Variants in NAA80 observed in about 807,000 individuals in gnomAD.
NAA80 encodes N-alpha-acetyltransferase 80, NatH catalytic subunit, also known as N-alpha-acetyltransferase 80.
A neutral mutation model predicts 8.7 loss-of-function variants in NAA80; 5 were observed. That is an observed-to-expected ratio of 0.58 (90% CI 0.30 to 1.21). The LOEUF is 1.21. Among genes scored for constraint, NAA80 ranks in the 50% most tolerant of loss-of-function variants. The probability of loss-of-function intolerance (pLI) is 0.07; values close to 1 mark genes in which losing one functional copy is unlikely to be tolerated. For synonymous variants in NAA80, 149 were observed against 156.6 expected (o/e 0.95, Z 0.36); for missense variants, 360 against 368.6 (o/e 0.98, Z 0.19).
Position 50,296,650 on chromosome 3 carries a change from G to C in NAA80, c.814C>G (p.Gln272Glu), listed in dbSNP as rs370663191. The change falls in exon 2 of 2, where the codon CAA becomes GAA. Residue 272 changes from glutamine (Q) to glutamate (E), a missense_variant. By Grantham distance (29) the Gln-to-Glu change is conservative (BLOSUM62 2). Coordinates refer to ENST00000443094, the MANE Select transcript of NAA80 (RefSeq NM_001200016.2). ...PSKSLLETQY[Q>E]NVRGRPIFWM... ...AATATGGGGCGCCCCCTCACATTTT[G>C]ATATTGTGTCTCCAGCAGGCTTTTT... 1.1e-5 allele frequency: 17 copies of C among 1,613,930 alleles called. No individual in the cohort carries two copies. The African/African-American group carries it at 1.9e-4, about 18-fold the overall frequency.
Position 50,297,565 on chromosome 3 carries a change from G to A in NAA80, c.-102C>T, listed in dbSNP as rs1701905447. The A allele has an allele frequency of 6.7e-7, 1 of 1,498,400 alleles. No homozygotes were observed. Among genetic ancestry groups the A allele is most frequent in the Non-Finnish European group, 8.9e-7 (1 of 1,124,018 alleles). The allele number at this position is 1,498,400 out of a possible 1,614,324, so 92.8% of individuals were successfully genotyped here. On this transcript the variant is annotated 5_prime_UTR_variant, in exon 2 of 2. Transcript: ENST00000443094. This position sits in a 1 kb window ranked among gnomAD's most constrained non-coding sequence, Gnocchi z 4.3. ...TCCAGGTTCAGCTGAGTCAGGCTGG[G>A]AGCCAAGGTCACCTGCTGCTAGGTT...
chr3:50,297,022 T>C lies in NAA80; in HGVS notation c.442A>G (p.Arg148Gly). Residue 148 changes from arginine (R) to glycine (G), a missense_variant, in exon 2 of 2, where the codon AGG (arginine) becomes GGG (glycine). Coordinates refer to ENST00000443094, the MANE Select transcript of NAA80 (RefSeq NM_001200016.2). This position sits in a 1 kb window ranked among gnomAD's most constrained non-coding sequence, Gnocchi z 4.3. ...AGGCGGCGGCCAAAGCCACGGCCCC[T>C]CAGGGCCCGGGCCACCACCACTGTC... Reference protein sequence around the residue: ...VETVVVARALRGRGFGRRLME... With the variant: ...VETVVVARALGGRGFGRRLME... The C allele has an allele frequency of 6.5e-7, 1 of 1,544,346 alleles. No homozygotes were observed. Among genetic ancestry groups the C allele is most frequent in the Non-Finnish European group, 8.7e-7 (1 of 1,149,292 alleles).
Position 50,297,955 on chromosome 3 carries a change from G to T in NAA80, c.-209-283C>A, listed in dbSNP as rs1239747127. On this transcript the variant is annotated intron_variant, in intron 1 of 1. Coordinates refer to ENST00000443094, the MANE Select transcript of NAA80 (RefSeq NM_001200016.2). This position sits in a 1 kb window ranked among gnomAD's most constrained non-coding sequence, Gnocchi z 4.3. ...AACCTAGGAGTCCTGGCCCCAGCCT[G>T]CTCTGGCTACAAATTTGTCCTCCTC... The T allele has an allele frequency of 2.0e-6, 2 of 988,880 alleles. No homozygotes were observed. Among genetic ancestry groups the T allele is most frequent in the African/African-American group, 1.7e-5 (1 of 57,326 alleles). 61.3% of individuals were successfully genotyped at this position (988,880 alleles called of 1,614,324 possible).
chr3:50,296,701 G>A lies in NAA80; in HGVS notation c.763C>T (p.Pro255Ser), dbSNP rs782427011. The change falls in exon 2 of 2, where the codon CCC (proline) becomes TCC (serine). Residue 255 changes from proline to serine, a missense_variant. Pro to Ser is a moderately conservative substitution (Grantham distance 74). Transcript: ENST00000443094. ...GAAGGGGGCCCTGATGGAACTGGGG[G>A]TGAGATGGTCAGGCACTCAGGTAGG... ...PPLPECLTISPPVPSGPPSKS... is the reference protein window; with the variant it reads ...PPLPECLTISSPVPSGPPSKS... The A allele has an allele frequency of 3.1e-6, 5 of 1,613,666 alleles. No homozygotes were observed. In the East Asian group the frequency reaches 6.7e-5, roughly 22 times the overall value.
At position 50,298,798 on chromosome 3, in the gene NAA80, TC is replaced by T. The variant is rs1188028877; in HGVS notation, c.-210+414del. On this transcript the variant is annotated intron_variant, in intron 1 of 1. Coordinates refer to ENST00000443094, the MANE Select transcript of NAA80 (RefSeq NM_001200016.2). ...CCCCTCCCCTCACCTCCCACACCAT[TC>T]ACAGGGCTGTAAGCCCCTCACCTGC... 3 of 1,117,752 alleles carry T rather than the reference TC, an allele frequency of 2.7e-6. No individual in the cohort carries two copies. In the African/African-American group the frequency reaches 4.9e-5, roughly 18 times the overall value. The allele number at this position is 1,117,752 out of a possible 1,614,324, so 69.2% of individuals were successfully genotyped here.
At position 50,297,951 on chromosome 3, in the gene NAA80, G is replaced by C. The variant is rs1553711659; in HGVS notation, c.-209-279C>G. Reference sequence around the variant, plus strand: ...GCAGAACCTAGGAGTCCTGGCCCCAGCCTGCTCTGGCTACAAATTTGTCCT... The same window carrying C: ...GCAGAACCTAGGAGTCCTGGCCCCACCCTGCTCTGGCTACAAATTTGTCCT... On this transcript the variant is annotated intron_variant, in intron 1 of 1. Coordinates refer to ENST00000443094, the MANE Select transcript of NAA80 (RefSeq NM_001200016.2). This position sits in a 1 kb window ranked among gnomAD's most constrained non-coding sequence, Gnocchi z 4.3. The C allele has an allele frequency of 1.0e-6, 1 of 989,028 alleles. No individual in the cohort carries two copies. The highest frequency in any genetic ancestry group is 1.2e-6 in the Non-Finnish European group (1 of 832,696). The allele number at this position is 989,028 out of a possible 1,614,324, so 61.3% of individuals were successfully genotyped here. A position where few individuals can be genotyped will look rare whatever the true frequency, so the allele number is the denominator to read the frequency against.
chr3:50,297,705 G>A lies in NAA80; in HGVS notation c.-209-33C>T. 1 of 1,366,830 alleles carries A rather than the reference G, an allele frequency of 7.3e-7. No individual in the cohort carries two copies. Among genetic ancestry groups the A allele is most frequent in the Non-Finnish European group, 9.4e-7 (1 of 1,065,032 alleles). 84.7% of individuals were successfully genotyped at this position (1,366,830 alleles called of 1,614,324 possible). ...TAACAGCCATGCTGGGCTGTGCCAG[G>A]AGGGAGGGTGGGGTTGGAGCAGGGA... On this transcript the variant is annotated intron_variant, in intron 1 of 1. Transcript: ENST00000443094. The surrounding 1 kb of genome is among the most constrained non-coding windows in gnomAD (Gnocchi z 4.3).
chr3:50,298,356 T>C, intron 1 of NAA80, among the ~76,000 whole-genome samples: 1 of 151,958 alleles, frequency 6.6e-6, no homozygotes, highest in East Asian at 1.9e-4. Context: ...CCTTCCCAAC[T>C]CTGCCCATCT....
rs369644628 is a variant in NAA80 at position 50,296,809 on chromosome 3, G to T, written c.655C>A (p.Arg219=). 115 of 1,579,676 alleles carry T rather than the reference G, an allele frequency of 7.3e-5. No homozygotes were observed. Among genetic ancestry groups the T allele is most frequent in the Non-Finnish European group, 8.1e-5 (94 of 1,163,232 alleles). The stretch of plus-strand genomic sequence containing the variant: ...AGGTTTGGGGCCTTCCTGGGTGGCC[G>T]GGGAGAGGGGGCTGTGGGGAAGGCA... The part of the protein sequence containing the change: ...LNAFPTAPSP[R]PPRKAPNLTA... Residue 219 remains arginine, a synonymous_variant, in exon 2 of 2, where the codon CGG becomes AGG. Coordinates refer to ENST00000443094, the MANE Select transcript of NAA80 (RefSeq NM_001200016.2).
In NAA80 at chr3:50,296,524, T is replaced by C; in HGVS notation, c.*79A>G. Reference sequence around the variant, plus strand: ...GCCCCCCAGGGGCTAGGGGCTGAGGTATGGTCAGTGGGCTGAGGCTTGTAG... The same window carrying C: ...GCCCCCCAGGGGCTAGGGGCTGAGGCATGGTCAGTGGGCTGAGGCTTGTAG... On this transcript the variant is annotated 3_prime_UTR_variant, in exon 2 of 2. Coordinates refer to ENST00000443094, the MANE Select transcript of NAA80 (RefSeq NM_001200016.2). 6.6e-7 allele frequency: 1 copy of C among 1,509,464 alleles called. No homozygotes were observed. The highest frequency in any genetic ancestry group is 1.2e-5 in the South Asian group (1 of 84,464). The allele number at this position is 1,509,464 out of a possible 1,614,324, so 93.5% of individuals were successfully genotyped here. A position where few individuals can be genotyped will look rare whatever the true frequency, so the allele number is the denominator to read the frequency against.
In NAA80 at chr3:50,296,777, G is replaced by T. The variant is rs1701863410; in HGVS notation, c.687C>A (p.Ala229=). 2 of 1,596,724 alleles carry T rather than the reference G, an allele frequency of 1.3e-6. No homozygotes were observed. The highest frequency in any genetic ancestry group is 2.3e-5 in the South Asian group (2 of 88,662). The change falls in exon 2 of 2, where the codon GCC becomes GCA. Residue 229 remains alanine, a synonymous_variant. Transcript: ENST00000443094. ...RPPRKAPNLT[A]QAAPRGPKGP... ...CCTTGGGACCCCTTGGGGCAGCTTG[G>T]GCAGTCAGGTTTGGGGCCTTCCTGG...
Position 50,297,571 on chromosome 3 carries a change from A to G in NAA80, c.-108T>C, listed in dbSNP as rs1701905743. On this transcript the variant is annotated 5_prime_UTR_variant, in exon 2 of 2. Transcript: ENST00000443094. This position sits in a 1 kb window ranked among gnomAD's most constrained non-coding sequence, Gnocchi z 4.3. ...TTCAGCTGAGTCAGGCTGGGAGCCA[A>G]GGTCACCTGCTGCTAGGTTGCAGGT... The G allele has an allele frequency of 1.3e-6, 2 of 1,496,030 alleles. No homozygotes were observed. Among genetic ancestry groups the G allele is most frequent in the Non-Finnish European group, 1.8e-6 (2 of 1,123,412 alleles). 92.7% of individuals were successfully genotyped at this position (1,496,030 alleles called of 1,614,324 possible). A position where few individuals can be genotyped will look rare whatever the true frequency, so the allele number is the denominator to read the frequency against.
rs1341266721 is a variant in NAA80 at position 50,299,375 on chromosome 3, G to A, written c.-372C>T. 5 of 1,492,988 alleles carry A rather than the reference G, an allele frequency of 3.3e-6. No homozygotes were observed. Among genetic ancestry groups the A allele is most frequent in the African/African-American group, 2.8e-5 (2 of 71,942 alleles). The allele number at this position is 1,492,988 out of a possible 1,614,324, so 92.5% of individuals were successfully genotyped here. On this transcript the variant is annotated 5_prime_UTR_variant, in exon 1 of 2. Transcript: ENST00000443094. ...CCTGCGGCACGCCACGGCGTTCTAA[G>A]GCCTCCCAGCACCCGCGCGTCGCCG...
Position 50,296,802 on chromosome 3 carries a change from G to T in NAA80, c.662C>A (p.Pro221His). The T allele has an allele frequency of 6.3e-7, 1 of 1,581,972 alleles. No homozygotes were observed. Among genetic ancestry groups the T allele is most frequent in the Non-Finnish European group, 8.6e-7 (1 of 1,164,564 alleles). ...AFPTAPSPRP[P>H]RKAPNLTAQA... ...GGCAGTCAGGTTTGGGGCCTTCCTG[G>T]GTGGCCGGGGAGAGGGGGCTGTGGG... Residue 221 changes from proline to histidine, a missense_variant, in exon 2 of 2, where the codon CCC becomes CAC. Physicochemically the swap from Pro to His is moderately conservative, Grantham distance 77. Transcript: ENST00000443094.
In NAA80 at chr3:50,296,555, C is replaced by T. The variant is rs990717436; in HGVS notation, c.*48G>A. The T allele has an allele frequency of 6.9e-6, 11 of 1,583,088 alleles. No homozygotes were observed. Among genetic ancestry groups the T allele is most frequent in the East Asian group, 2.2e-5 (1 of 44,504 alleles). ...CAGTGGGCTGAGGCTTGTAGACTGT[C>T]GGGGCAGTCTATTGAACCAGAAAGA... On this transcript the variant is annotated 3_prime_UTR_variant, in exon 2 of 2. Coordinates refer to ENST00000443094, the MANE Select transcript of NAA80 (RefSeq NM_001200016.2).
At position 50,297,371 on chromosome 3, in the gene NAA80, C is replaced by G. The variant is rs376015708; in HGVS notation, c.93G>C (p.Glu31Asp). 6.2e-7 allele frequency: 1 copy of G among 1,613,282 alleles called. No homozygotes were observed. Among genetic ancestry groups the G allele is most frequent in the Non-Finnish European group, 8.5e-7 (1 of 1,179,610 alleles). The change falls in exon 2 of 2, where the codon GAG (glutamate) becomes GAC (aspartate). Residue 31 changes from glutamate (E) to aspartate (D), a missense_variant. Physicochemically the swap from Glu to Asp is conservative, Grantham distance 45 (BLOSUM62 2). Transcript: ENST00000443094. This position sits in a 1 kb window ranked among gnomAD's most constrained non-coding sequence, Gnocchi z 4.3. ...CAGTTGGACCAGGATTGAAGGTCAT[C>G]TCTGGTTGGCATGTGGAATCCAGGG... is the stretch of plus-strand genomic sequence containing the variant. ...KLPLDSTCQPEMTFNPGPTEL... is the reference protein window; with the variant it reads ...KLPLDSTCQPDMTFNPGPTEL...
chr3:50,297,468 T>C lies in NAA80; in HGVS notation c.-5A>G. 1 of 1,595,714 alleles carries C rather than the reference T, an allele frequency of 6.3e-7. No homozygotes were observed. The highest frequency in any genetic ancestry group is 8.5e-7 in the Non-Finnish European group (1 of 1,169,610). On this transcript the variant is annotated 5_prime_UTR_variant, in exon 2 of 2. Transcript: ENST00000443094. This position sits in a 1 kb window ranked among gnomAD's most constrained non-coding sequence, Gnocchi z 4.3. ...GGTACTCAGGATCAGCTCCATCCGG[T>C]GTGTAGGGTCTAGTGTAGGGGTCAG...
Position 50,296,569 on chromosome 3 carries a change from G to C in NAA80, c.*34C>G, listed in dbSNP as rs781785577. The stretch of plus-strand genomic sequence containing the variant: ...TTGTAGACTGTCGGGGCAGTCTATT[G>C]AACCAGAAAGACAGTTCCTTGCCCT... On this transcript the variant is annotated 3_prime_UTR_variant, in exon 2 of 2. Transcript: ENST00000443094. 6.2e-7 allele frequency: 1 copy of C among 1,604,014 alleles called. No individual in the cohort carries two copies. Among genetic ancestry groups the C allele is most frequent in the South Asian group, 1.1e-5 (1 of 90,064 alleles).
chr3:50,297,003 C>T lies in NAA80; in HGVS notation c.461G>A (p.Arg154His), dbSNP rs782082111. 5.0e-5 allele frequency: 78 copies of T among 1,554,784 alleles called. No homozygotes were observed. Among genetic ancestry groups the T allele is most frequent in the Middle Eastern group, 1.7e-4 (1 of 5,770 alleles). ...ARALRGRGFG[R>H]RLMEGLEVFA... ...GACCTCCAGGCCCTCCATGAGGCGGCGGCCAAAGCCACGGCCCCTCAGGGC... is the reference window on the plus strand; with the variant it reads ...GACCTCCAGGCCCTCCATGAGGCGGTGGCCAAAGCCACGGCCCCTCAGGGC... The change falls in exon 2 of 2, where the codon CGC (arginine) becomes CAC (histidine). Residue 154 changes from arginine (R) to histidine (H), a missense_variant. Transcript: ENST00000443094. This position sits in a 1 kb window ranked among gnomAD's most constrained non-coding sequence, Gnocchi z 4.3.
Sources: allele counts gnomAD v4.1 joint callset (sites outside exome capture counted in the v4.1 genomes callset), GRCh38; gene constraint gnomAD v4.1.1; non-coding constraint Gnocchi (gnomAD v3.1); transcripts MANE v1.5; gene names NCBI Gene and HGNC (gene_info 2026-07-23, HGNC 2026-07-21).